The following MAN1C1 variants were observed in gnomAD, a reference collection of about 807,000 sequenced individuals.
MAN1C1 encodes mannosidase alpha class 1C member 1.
Under a neutral mutation model 71.5 loss-of-function variants are expected in MAN1C1, and 49 were observed. That is an observed-to-expected ratio of 0.69 (90% CI 0.54 to 0.87). The LOEUF (loss-of-function observed/expected upper bound fraction) is 0.87, where lower values mean the gene tolerates loss of function less well. Ranked by LOEUF, MAN1C1 falls within the 40% of genes least tolerant of loss-of-function variation. MAN1C1 has a pLI of 0.00. For missense variants in MAN1C1, 743 were observed against 835.0 expected (o/e 0.89, Z 1.36); for synonymous variants, 352 against 343.7 (o/e 1.02, Z -0.27).
chr1:25,738,679 T>G (rs891146496), intron 2 of MAN1C1, among the ~76,000 whole-genome samples: 3 of 152,204 alleles, frequency 2.0e-5, no homozygotes, highest in African/African-American at 4.8e-5. Flanking sequence ...AGTCATGCGT[T>G]GCAATTGATG....
intron 2 of MAN1C1, among the ~76,000 whole-genome samples, chr1:25,690,358 T>G (rs987202975): frequency 6.7e-6 from 1 of 148,410 alleles, no homozygotes; most frequent in Admixed American, 6.9e-5. Context: ...AGTAGTGCGA[T>G]CTCAGCTCAC....
At position 25,782,743 on chromosome 1, in the gene MAN1C1, T is replaced by C; in HGVS notation, c.1766+43T>C. 6.7e-7 allele frequency: 1 copy of C among 1,489,640 alleles called. No individual in the cohort carries two copies. The highest frequency in any genetic ancestry group is 1.1e-5 in the South Asian group (1 of 88,222). The allele number at this position is 1,489,640 out of a possible 1,614,324, so 92.3% of individuals were successfully genotyped here. On this transcript the variant is annotated intron_variant, in intron 11 of 11. Transcript: ENST00000374332. The surrounding 1 kb of genome is among the most constrained non-coding windows in gnomAD (Gnocchi z 4.4). ...TTCCTAGGGATGGACAGGTGGGAGG[T>C]TGAGGGTAGGGGTCCGCAGTCCCTC...
At chr1:25,765,851 C>G (rs908945723) in intron 7 of MAN1C1, among the ~76,000 whole-genome samples, 1 of 152,116 alleles carries the variant, frequency 6.6e-6, no homozygotes, top group Admixed American at 6.6e-5. Flanking sequence ...AGTGGCCTCC[C>G]GTAAAAACCA....
rs924079912 is a variant in MAN1C1 at position 25,778,340 on chromosome 1, G to A, written c.1477+16G>A. The A allele has an allele frequency of 2.5e-6, 4 of 1,596,796 alleles. No homozygotes were observed. The highest frequency in any genetic ancestry group is 1.1e-5 in the South Asian group (1 of 89,704). ...GCCCGCTCAGGTAACCCTGCAAGGG[G>A]AAGGGGCAGCAGGAGAGACTGAGGC... On this transcript the variant is annotated intron_variant, in intron 9 of 11. Transcript: ENST00000374332. This position sits in a 1 kb window ranked among gnomAD's most constrained non-coding sequence, Gnocchi z 5.5.
intron 1 of MAN1C1, among the ~76,000 whole-genome samples, chr1:25,648,681 C>T (rs2045650186): frequency 6.6e-6 from 1 of 152,214 alleles, no homozygotes; most frequent in Admixed American, 6.5e-5. Flanking sequence ...TGATGAGACA[C>T]AATTAGCATC....
At chr1:25,696,446 G>A (rs1172612474) in intron 2 of MAN1C1, among the ~76,000 whole-genome samples, 1 of 151,992 alleles carries the variant, frequency 6.6e-6, no homozygotes, top group Non-Finnish European at 1.5e-5. Context: ...TTAAAAATTG[G>A]GGTATAACTT....
intron 1 of MAN1C1, among the ~76,000 whole-genome samples, chr1:25,640,627 TAAGGAAACCCTTTGTA>T (rs1443880813): frequency 4.6e-5 from 7 of 152,208 alleles, no homozygotes; most frequent in Non-Finnish European, 7.3e-5. Flanking sequence ...CTTCAGATTA[TAAGGAAACCCTTTGTA>T]GAGAAAGGTT....
At chr1:25,720,587 G>A (rs879879589) in intron 2 of MAN1C1, among the ~76,000 whole-genome samples, 1 of 152,166 alleles carries the variant, frequency 6.6e-6, no homozygotes, top group Non-Finnish European at 1.5e-5. Context: ...TTCTCTATGG[G>A]ACATATGATT....
chr1:25,672,129 A>C (rs1038092240), intron 1 of MAN1C1, among the ~76,000 whole-genome samples: 6 of 152,232 alleles, frequency 3.9e-5, no homozygotes, highest in Non-Finnish European at 8.8e-5. Flanking sequence ...CAGTTGGTAC[A>C]AGTCCCAGAG....
rs561841524 is a variant in MAN1C1 at position 25,640,877 on chromosome 1, G to A, written c.540+22540G>A. 4.4e-4 allele frequency among the ~76,000 whole-genome samples: 67 copies of A among 152,198 alleles called. 2 individuals are homozygous for A. Among genetic ancestry groups the A allele is most frequent in the Non-Finnish European group, 8.8e-4 (60 of 68,004 alleles). ...TGCCAGAAAGGTATCAATCCAGATCGAGCCAAGGGAGACCAACATTAGACA... is the reference window on the plus strand; with the variant it reads ...TGCCAGAAAGGTATCAATCCAGATCAAGCCAAGGGAGACCAACATTAGACA... On this transcript the variant is annotated intron_variant, in intron 1 of 11. Transcript: ENST00000374332.
chr1:25,741,615 G>C (rs1392582936), intron 2 of MAN1C1, among the ~76,000 whole-genome samples: 1 of 152,180 alleles, frequency 6.6e-6, no homozygotes, highest in Non-Finnish European at 1.5e-5. Flanking sequence ...GAGTCCATTA[G>C]CATGAGATGA....
At chr1:25,684,803 C>T (rs1380647224) in intron 1 of MAN1C1, among the ~76,000 whole-genome samples, 1 of 152,216 alleles carries the variant, frequency 6.6e-6, no homozygotes, top group African/African-American at 2.4e-5. Flanking sequence ...GAGGGGAAAG[C>T]CAGCGGACGC....
chr1:25,643,346 C>T (rs2045563466), intron 1 of MAN1C1, among the ~76,000 whole-genome samples: 2 of 151,414 alleles, frequency 1.3e-5, no homozygotes, highest in East Asian at 1.9e-4. Context: ...CCTCTGCCTC[C>T]TGGTTTTAAG....
At chr1:25,733,401 C>T (rs1209333661) in intron 2 of MAN1C1, among the ~76,000 whole-genome samples, 2 of 152,142 alleles carry the variant, frequency 1.3e-5, no homozygotes, top group Non-Finnish European at 2.9e-5. Context: ...CTACTTTCCC[C>T]CTTTCCCGCT....
At chr1:25,765,048 A>T (rs995308072) in intron 7 of MAN1C1, among the ~76,000 whole-genome samples, 14 of 151,112 alleles carry the variant, frequency 9.3e-5, no homozygotes, top group Admixed American at 6.6e-5. Context: ...ACTCCGTCCC[A>T]AAAAAAAACA....
At chr1:25,661,224 T>A (rs2045843977) in intron 1 of MAN1C1, among the ~76,000 whole-genome samples, 2 of 152,250 alleles carry the variant, frequency 1.3e-5, no homozygotes, top group Non-Finnish European at 2.9e-5. Context: ...ATGTATTTCA[T>A]CACCTCTATG....
chr1:25,719,503 C>T (rs1324392889), intron 2 of MAN1C1, among the ~76,000 whole-genome samples: 3 of 151,840 alleles, frequency 2.0e-5, no homozygotes, highest in South Asian at 2.1e-4. Context: ...TAGCTCACTG[C>T]AGCCTCGAAC....
chr1:25,654,893 C>T (rs2045742820), intron 1 of MAN1C1, among the ~76,000 whole-genome samples: 1 of 152,180 alleles, frequency 6.6e-6, no homozygotes, highest in South Asian at 2.1e-4. Flanking sequence ...GATCTGCCCA[C>T]CTCGGCCTCC....
chr1:25,647,660 A>G (rs2045634457), intron 1 of MAN1C1, among the ~76,000 whole-genome samples: 1 of 152,214 alleles, frequency 6.6e-6, no homozygotes, highest in East Asian at 1.9e-4. Context: ...TGGAAGCTCA[A>G]GAGCCAAGAT....
Sources: allele counts gnomAD v4.1 joint callset (sites outside exome capture counted in the v4.1 genomes callset), GRCh38; gene constraint gnomAD v4.1.1; non-coding constraint Gnocchi (gnomAD v3.1); transcripts MANE v1.5; gene names NCBI Gene and HGNC (gene_info 2026-07-23, HGNC 2026-07-21).